TENM2: variants seen among roughly 807,000 people sequenced by gnomAD.
TENM2 encodes teneurin-2.
TENM2 carries 52 observed loss-of-function variants against 245.2 expected under a neutral mutation model. The observed-to-expected ratio is 0.21, with a 90% confidence interval of 0.17 to 0.27. The LOEUF is 0.27. Among genes scored for constraint, TENM2 ranks in the 10% least tolerant of loss-of-function variants. TENM2 has a pLI of 1.00. For missense variants in TENM2, 3,046 were observed against 3,666.8 expected, an observed-to-expected ratio of 0.83 and a Z score of 4.37; for synonymous variants, 1,363 against 1,438.9, an observed-to-expected ratio of 0.95 and a Z score of 1.19.
At chr5:167,521,047 T>G (rs1447385077) in intron 2 of TENM2, among the ~76,000 whole-genome samples, 2 of 151,052 alleles carry the variant, frequency 1.3e-5, no homozygotes, top group Non-Finnish European at 2.9e-5. Context: ...AGATGGGTCA[T>G]AGAGCCAATA....
chr5:167,528,421 C>A (rs893259754), intron 2 of TENM2, among the ~76,000 whole-genome samples: 3 of 152,078 alleles, frequency 2.0e-5, no homozygotes, highest in African/African-American at 7.2e-5. Flanking sequence ...CAGCTCTTTG[C>A]CTTACTAAGA....
At chr5:167,871,764 C>A (rs1772847431) in intron 2 of TENM2, among the ~76,000 whole-genome samples, 1 of 152,152 alleles carries the variant, frequency 6.6e-6, no homozygotes, top group African/African-American at 2.4e-5. Context: ...GGGGCTTCAG[C>A]AGTACATAAA....
At chr5:167,416,470 A>G (rs1369650792) in intron 2 of TENM2, among the ~76,000 whole-genome samples, 2 of 152,162 alleles carry the variant, frequency 1.3e-5, no homozygotes, top group African/African-American at 4.8e-5. Context: ...AACTTAAAAT[A>G]TAACGTTACT....
rs1013244150 is a variant in TENM2, at chr5:167,846,741, C to G, written c.503-29245C>G. The stretch of plus-strand genomic sequence containing the variant: ...GTTCACCAAGGACCAATTTATTGAA[C>G]AAGAAAGCCTCTTTGGATTCTCCTT... On this transcript the variant is annotated intron_variant, in intron 2 of 28. Transcript: ENST00000518659. 3.3e-5 allele frequency among the ~76,000 whole-genome samples: 5 copies of G among 152,272 alleles called. No individual in the cohort carries two copies. In the East Asian group the frequency reaches 9.6e-4, roughly 29 times the overall value.
chr5:167,846,234 T>C (rs1770029079), intron 2 of TENM2, among the ~76,000 whole-genome samples: 1 of 152,222 alleles, frequency 6.6e-6, no homozygotes, highest in Non-Finnish European at 1.5e-5. Flanking sequence ...GTCACTTTCC[T>C]TGTGTCTGGC....
At chr5:168,173,433 C>G (rs1759036621) in intron 13 of TENM2, among the ~76,000 whole-genome samples, 1 of 152,118 alleles carries the variant, frequency 6.6e-6, no homozygotes, top group Non-Finnish European at 1.5e-5. Flanking sequence ...AGACCTGGGA[C>G]CTAGATTAGA....
At chr5:167,005,985 T>A in the TENM2 span, among the ~76,000 whole-genome samples, 2 of 152,062 alleles carry the variant, frequency 1.3e-5, no homozygotes, top group African/African-American at 4.8e-5. Flanking sequence ...ACTGCTGAAG[T>A]CTTGAAGTTA....
intron 17 of TENM2, 136 bp downstream of exon 19, chr5:168,200,267 G>C: frequency 1.3e-6 from 1 of 773,584 alleles, no homozygotes; most frequent in Non-Finnish European, 2.1e-6. Context: ...AGACAGACAA[G>C]ATTCCTCTTC....
intron 2 of TENM2, among the ~76,000 whole-genome samples, chr5:167,423,884 G>T (rs2127428598): frequency 6.6e-6 from 1 of 152,272 alleles, no homozygotes; most frequent in African/African-American, 2.4e-5. Flanking sequence ...TCCCACTGGA[G>T]ACCATCGACC....
At chr5:167,333,468 A>G (rs987760544) in intron 1 of TENM2, among the ~76,000 whole-genome samples, 5 of 152,240 alleles carry the variant, frequency 3.3e-5, no homozygotes, top group African/African-American at 1.2e-4. Context: ...TATTAGAAAA[A>G]TAAATATTTT....
the TENM2 span, among the ~76,000 whole-genome samples, chr5:167,090,109 CT>C: frequency 6.1e-4 from 93 of 152,046 alleles, 1 homozygote; most frequent in African/African-American, 2.2e-3. Flanking sequence ...TTTTTCTTTT[CT>C]TTTTTTAAAA....
intron 2 of TENM2, among the ~76,000 whole-genome samples, chr5:167,823,818 T>C (rs1767737958): frequency 1.3e-5 from 2 of 152,186 alleles, no homozygotes; most frequent in Admixed American, 6.5e-5. Context: ...AAGAATTTTC[T>C]AATTCTCCTG....
chr5:167,827,066 T>A (rs539311857), intron 2 of TENM2, among the ~76,000 whole-genome samples: 4 of 152,370 alleles, frequency 2.6e-5, no homozygotes, highest in Non-Finnish European at 1.5e-5. Flanking sequence ...AGAAGCCAGA[T>A]GGCCTCCTGT....
chr5:167,720,666 A>T (rs1302096920), intron 2 of TENM2, among the ~76,000 whole-genome samples: 1 of 152,230 alleles, frequency 6.6e-6, no homozygotes, highest in Non-Finnish European at 1.5e-5. Flanking sequence ...TATTTATTTC[A>T]GTGCATCTTC....
chr5:167,394,409 G>T (rs1761935428), intron 2 of TENM2, among the ~76,000 whole-genome samples: 1 of 152,040 alleles, frequency 6.6e-6, no homozygotes, highest in Admixed American at 6.6e-5. Flanking sequence ...TTGGATCCTT[G>T]TTGAAGATCA....
At chr5:167,283,296 C>T (rs1253612080), upstream of TENM2, among the ~76,000 whole-genome samples, 5 of 152,160 alleles carry the variant, frequency 3.3e-5, no homozygotes, top group Admixed American at 6.5e-5. Context: ...CCACCCGCCT[C>T]GGCCTCCCAA....
At chr5:167,862,853 A>G (rs1771948911) in intron 2 of TENM2, among the ~76,000 whole-genome samples, 1 of 152,230 alleles carries the variant, frequency 6.6e-6, no homozygotes, top group Admixed American at 6.5e-5. Flanking sequence ...CATACTTGTC[A>G]TGAGAATAGA....
chr5:167,294,577 C>T (rs995023728), intron 1 of TENM2, among the ~76,000 whole-genome samples: 4 of 152,198 alleles, frequency 2.6e-5, no homozygotes, highest in South Asian at 4.2e-4. Context: ...TTCCACAGGG[C>T]GAGTTTTATT....
At chr5:167,375,374 G>T in exon 2 of TENM2, 1 of 1,551,724 alleles carries the variant, frequency 6.4e-7, no homozygotes, top group Non-Finnish European at 8.7e-7. Context: ...GTGGGGCAGA[G>T]GGATAAAATC....
Sources: gnomAD v4.1 joint callset for allele counts (sites outside exome capture counted in the v4.1 genomes callset) on GRCh38, gnomAD v4.1.1 for gene constraint, MANE v1.5 for transcripts, NCBI Gene and HGNC (gene_info 2026-07-23, HGNC 2026-07-21) for gene names.